The following AHCYL1 variants were observed in gnomAD, a reference collection of about 807,000 sequenced individuals.
The protein encoded by AHCYL1 is adenosylhomocysteinase like 1, also known as S-adenosylhomocysteine hydrolase-like protein 1.
A neutral mutation model predicts 79.3 loss-of-function variants in AHCYL1; 20 were observed. The ratio of observed to expected loss-of-function variants is 0.25; its 90% CI spans 0.18 to 0.37. The LOEUF is 0.37. Among genes scored for constraint, AHCYL1 ranks in the 10% least tolerant of loss-of-function variants. The pLI, the probability that AHCYL1 is intolerant of heterozygous loss-of-function variation, is 1.00. For missense variants in AHCYL1, 330 were observed against 673.6 expected (o/e 0.49, Z 5.65); for synonymous variants, 223 against 242.2 (o/e 0.92, Z 0.74).
intron 1 of AHCYL1, chr1:109,995,658 T>C (rs1480190112): frequency 1.0e-6 from 1 of 985,292 alleles, no homozygotes; most frequent in Non-Finnish European, 1.2e-6. Flanking sequence ...CCTGCTTAGA[T>C]TATTTCTTAG....
intron 1 of AHCYL1, among the ~76,000 whole-genome samples, chr1:109,986,712 A>G (rs1263186143): frequency 1.3e-5 from 2 of 152,212 alleles, no homozygotes; most frequent in Admixed American, 6.5e-5. Context: ...GTATTCTTGA[A>G]AGTACCACTG....
At chr1:110,004,349 C>T (rs1650514516) in intron 1 of AHCYL1, 1 of 985,464 alleles carries the variant, frequency 1.0e-6, no homozygotes, top group Non-Finnish European at 1.2e-6. Flanking sequence ...TGCTAAGTCT[C>T]AGAAGACTGG....
chr1:110,003,900 C>G (rs547800396), intron 1 of AHCYL1: 1 of 984,906 alleles, frequency 1.0e-6, no homozygotes, highest in Non-Finnish European at 1.2e-6. Context: ...TACTCATTGA[C>G]TGGAGCACTT....
At chr1:110,021,637 G>A in intron 16 of AHCYL1, 37 bp from the exon 17 acceptor site, 2 of 1,605,468 alleles carry the variant, frequency 1.2e-6, no homozygotes, top group Non-Finnish European at 1.7e-6. Context: ...TCATATGGAA[G>A]ACATAAGTGT....
rs1247973172 is a variant in AHCYL1 at position 109,984,805 on chromosome 1, G to C, written c.-248G>C. ...TTGCGTACAGCGGAGGTGGCGGCGC[G>C]GGCAGGTCGGAGCTCGGAGCTGCTG... On this transcript the variant is annotated 5_prime_UTR_variant, in exon 1 of 17. Transcript: ENST00000369799. 1.1e-5 allele frequency: 4 copies of C among 378,100 alleles called. No homozygotes were observed. The highest frequency in any genetic ancestry group is 5.5e-5 in the East Asian group (1 of 18,246). The allele number at this position is 378,100 out of a possible 1,614,324, so 23.4% of individuals were successfully genotyped here.
Position 110,017,596 on chromosome 1 carries a change from T to C in AHCYL1, c.1052+13T>C. On this transcript the variant is annotated intron_variant, in intron 10 of 16. Coordinates refer to ENST00000369799, the MANE Select transcript of AHCYL1 (RefSeq NM_006621.7). ...CTCTGCAGGCCTGGTAAGAACAGAG[T>C]GATAATACTATTAGATTCACTCTAG... 1.9e-6 allele frequency: 3 copies of C among 1,609,080 alleles called. No individual in the cohort carries two copies. The highest frequency in any genetic ancestry group is 2.6e-6 in the Non-Finnish European group (3 of 1,175,710).
chr1:110,018,708 G>A (rs942057091), intron 13 of AHCYL1, 58 bp downstream of exon 13: 3 of 1,446,700 alleles, frequency 2.1e-6, no homozygotes, highest in Non-Finnish European at 1.9e-6. Context: ...AGATCTATGA[G>A]GGGGGAGGGG....
intron 7 of AHCYL1, among the ~76,000 whole-genome samples, chr1:110,016,080 C>G (rs1651399880): frequency 6.6e-6 from 1 of 151,778 alleles, no homozygotes; most frequent in Non-Finnish European, 1.5e-5. Flanking sequence ...GGAAATAACA[C>G]TCCCTATAAA....
At chr1:110,011,385 C>A in intron 3 of AHCYL1, 28 bp downstream of exon 3, 1 of 1,609,174 alleles carries the variant, frequency 6.2e-7, no homozygotes, top group South Asian at 1.1e-5. Context: ...GTTAGGGGAC[C>A]AGAAACAACC....
rs766277336 is a variant in AHCYL1 at position 109,985,047 on chromosome 1, C to A, written c.-6C>A. 7 of 1,571,634 alleles carry A rather than the reference C, an allele frequency of 4.5e-6. No homozygotes were observed. In the African/African-American group the frequency reaches 9.8e-5, roughly 22 times the overall value. On this transcript the variant is annotated 5_prime_UTR_variant, in exon 1 of 17. Transcript: ENST00000369799. ...CGGGTCAGCCGCTGGCCGGGCCGGC[C>A]GGGGAATGTCGATGCCTGACGCGAT...
intron 1 of AHCYL1, among the ~76,000 whole-genome samples, chr1:109,991,656 G>A (rs1342475974): frequency 6.6e-6 from 1 of 152,166 alleles, no homozygotes; most frequent in African/African-American, 2.4e-5. Flanking sequence ...GCGAGTGTAC[G>A]ATGGCATTAG....
rs1649379768 is a variant in AHCYL1 at position 109,984,917 on chromosome 1, G to T, written c.-136G>T. 3.1e-6 allele frequency: 4 copies of T among 1,294,078 alleles called. No individual in the cohort carries two copies. In the African/African-American group the frequency reaches 4.7e-5, roughly 15 times the overall value. The allele number at this position is 1,294,078 out of a possible 1,614,324, so 80.2% of individuals were successfully genotyped here. On this transcript the variant is annotated 5_prime_UTR_variant, in exon 1 of 17. Coordinates refer to ENST00000369799, the MANE Select transcript of AHCYL1 (RefSeq NM_006621.7). ...CGTGGGCCACAGCACCTCAGAAGCC[G>T]ACGCAGCTCGACGCAGGGGCCGGCA... is the stretch of plus-strand genomic sequence containing the variant.
At chr1:110,001,012 G>A in intron 1 of AHCYL1, 1 of 956,416 alleles carries the variant, frequency 1.0e-6, no homozygotes. Context: ...CAAACTTCCT[G>A]TACAATCAAC....
At chr1:110,011,415 TC>T (rs1181667576) in intron 3 of AHCYL1, 58 bp downstream of exon 3, 2 of 1,597,224 alleles carry the variant, frequency 1.3e-6, no homozygotes, top group African/African-American at 2.7e-5. Context: ...GCCATCAGAA[TC>T]CACAAACAAC....
intron 1 of AHCYL1, 71 bp from the exon 2 acceptor site, chr1:110,008,963 A>G: frequency 8.1e-7 from 1 of 1,228,256 alleles, no homozygotes; most frequent in Admixed American, 1.9e-5. Flanking sequence ...AAGACAATGT[A>G]TCCTTAAAAA....
intron 1 of AHCYL1, among the ~76,000 whole-genome samples, chr1:109,992,236 A>G (rs963961382): frequency 6.6e-6 from 1 of 151,876 alleles, no homozygotes; most frequent in Admixed American, 6.6e-5. Flanking sequence ...GTGAAACCCC[A>G]TCTCTACTAA....
chr1:109,993,647 C>T (rs1649878637), intron 1 of AHCYL1, among the ~76,000 whole-genome samples: 1 of 152,084 alleles, frequency 6.6e-6, no homozygotes, highest in South Asian at 2.1e-4. Context: ...TTAATAGATC[C>T]CTTTATAAAG....
At position 110,018,605 on chromosome 1, in the gene AHCYL1, C is replaced by T; in HGVS notation, c.1272C>T (p.Asp424=). 6.2e-7 allele frequency: 1 copy of T among 1,613,958 alleles called. No individual in the cohort carries two copies. The highest frequency in any genetic ancestry group is 8.5e-7 in the Non-Finnish European group (1 of 1,179,966). ...GGGAGCGAGTACGTTCTCAGGTGGACCATGTCATCTGGCCAGATGGCAAAC... is the reference window on the plus strand; with the variant it reads ...GGGAGCGAGTACGTTCTCAGGTGGATCATGTCATCTGGCCAGATGGCAAAC... ...LTWERVRSQV[D]HVIWPDGKRV... is the part of the protein sequence containing the mutation. Residue 424 remains aspartate, a synonymous_variant, in exon 13 of 17, where the codon GAC becomes GAT. Coordinates refer to ENST00000369799, the MANE Select transcript of AHCYL1 (RefSeq NM_006621.7).
chr1:110,005,038 C>T (rs1172988075), intron 1 of AHCYL1, among the ~76,000 whole-genome samples: 1 of 151,916 alleles, frequency 6.6e-6, no homozygotes, highest in African/African-American at 2.4e-5. Flanking sequence ...AATTTCTAAA[C>T]AGAAAAATCT....
Sources: gnomAD v4.1 joint callset for allele counts (sites outside exome capture counted in the v4.1 genomes callset) on GRCh38, gnomAD v4.1.1 for gene constraint, MANE v1.5 for transcripts, NCBI Gene and HGNC (gene_info 2026-07-23, HGNC 2026-07-21) for gene names.